Variants in ATG7 observed in about 807,000 individuals in gnomAD.
ATG7 encodes the protein ubiquitin-like modifier-activating enzyme ATG7.
In ATG7, 70 loss-of-function variants were observed where a neutral mutation model predicts 82.4. That is an observed-to-expected ratio of 0.85 (90% confidence interval 0.70 to 1.04). The LOEUF (loss-of-function observed/expected upper bound fraction) is 1.04, where lower values mean the gene tolerates loss of function less well. Among genes scored for constraint, ATG7 ranks in the 50% least tolerant of loss-of-function variants. The pLI is 0.00. For synonymous variants in ATG7, 287 were observed against 313.0 expected (o/e 0.92, Z 0.88); for missense variants, 792 against 864.3 (o/e 0.92, Z 1.05).
At position 11,364,661 on chromosome 3, in the gene ATG7, G is replaced by T; in HGVS notation, c.1802G>T (p.Gly601Val). ...MVSVLQHPEG[G>V]YAIASSSDDR... ...CTCTGATTGTTTCCTGTCCTCAGGGGCTATGCCATTGCCAGCAGCAGTGAC... is the reference window on the plus strand; with the variant it reads ...CTCTGATTGTTTCCTGTCCTCAGGGTCTATGCCATTGCCAGCAGCAGTGAC... The change falls in exon 18 of 21, where the codon GGC becomes GTC. Residue 601 changes from glycine (G) to valine (V), a missense_variant and splice_region_variant. By Grantham distance (109) the Gly-to-Val change is moderately radical. Transcript: ENST00000693202. 3 of 1,614,154 alleles carry T rather than the reference G, an allele frequency of 1.9e-6. No homozygotes were observed. Among genetic ancestry groups the T allele is most frequent in the Non-Finnish European group, 2.5e-6 (3 of 1,179,982 alleles).
rs1370064286 is a variant in ATG7, at chr3:11,554,832, G to A, written c.2101G>A (p.Glu701Lys). Residue 701 changes from glutamate (E) to lysine (K), a missense_variant, in exon 21 of 21, where the codon GAG (glutamate) becomes AAG (lysine). Glu to Lys is a moderately conservative substitution (Grantham distance 56). Coordinates refer to ENST00000693202, the MANE Select transcript of ATG7 (RefSeq NM_001349232.2). ...GCAGATCTGGGACATGAGCGATGAT[G>A]AGACCATCTGAGATGGCCCCGCTGT... ...AAEIWDMSDD[E>K]TI 1.2e-6 allele frequency: 2 copies of A among 1,612,812 alleles called. No homozygotes were observed. The highest frequency in any genetic ancestry group is 1.7e-6 in the Non-Finnish European group (2 of 1,179,638).
At chr3:11,422,708 A>T (rs1183330573) in intron 19 of ATG7, among the ~76,000 whole-genome samples, 1 of 125,966 alleles carries the variant, frequency 7.9e-6, no homozygotes, top group African/African-American at 3.1e-5. Flanking sequence ...AGCTTTTGAC[A>T]TGCCTTCCTC....
At chr3:11,407,160 A>T (rs559769662) in intron 19 of ATG7, among the ~76,000 whole-genome samples, 1 of 152,340 alleles carries the variant, frequency 6.6e-6, no homozygotes, top group Admixed American at 6.5e-5. Flanking sequence ...GCCATTCCAA[A>T]TTGGAGAAAT....
At position 11,370,648 on chromosome 3, in the gene ATG7, C is replaced by T. The variant is rs139374430; in HGVS notation, c.1875+5914C>T. ...TTTGTTGCTGGGCATTGGATCTTAG[C>T]CTCCCATCGAGGCCTGGGTCTGAAG... On this transcript the variant is annotated intron_variant, in intron 18 of 20. Transcript: ENST00000693202. Among the ~76,000 whole-genome samples the T allele has an allele frequency of 4.0e-4, 60 of 151,200 alleles. 4 individuals are homozygous for T. Among genetic ancestry groups the T allele is most frequent in the Middle Eastern group, 3.4e-3 (1 of 290 alleles).
chr3:11,378,027 A>ATTTTTTTTTTCTTTTTTTT (rs2077557126), intron 18 of ATG7, among the ~76,000 whole-genome samples: 1 of 92,742 alleles, frequency 1.1e-5, no homozygotes, highest in Non-Finnish European at 1.8e-5. Context: ...CCAGTTACCA[A>ATTTTTTTTTTCTTTTTTTT]TTTTTTTTTT....
At chr3:11,566,879 G>C in the ATG7 span, among the ~76,000 whole-genome samples, 1 of 152,178 alleles carries the variant, frequency 6.6e-6, no homozygotes, top group Non-Finnish European at 1.5e-5. Flanking sequence ...GGTGCACAGA[G>C]ACTTAACGGG....
intron 19 of ATG7, among the ~76,000 whole-genome samples, chr3:11,418,353 T>C (rs2081598983): frequency 6.6e-6 from 1 of 151,342 alleles, no homozygotes; most frequent in African/African-American, 2.4e-5. Flanking sequence ...ACTCAAGTGA[T>C]CCTCCTATCT....
chr3:11,401,591 T>C (rs1269359451), intron 19 of ATG7, among the ~76,000 whole-genome samples: 1 of 152,190 alleles, frequency 6.6e-6, no homozygotes, highest in Non-Finnish European at 1.5e-5. Flanking sequence ...ACTTAGGGGT[T>C]TTTTAAATGT....
chr3:11,405,916 A>G (rs998584570), intron 19 of ATG7, among the ~76,000 whole-genome samples: 23 of 151,976 alleles, frequency 1.5e-4, no homozygotes, highest in Admixed American at 1.4e-3. Context: ...CTGTAATCCC[A>G]CTGCACCTGG....
intron 9 of ATG7, among the ~76,000 whole-genome samples, chr3:11,320,611 G>A (rs1307521159): frequency 2.0e-5 from 3 of 152,176 alleles, no homozygotes; most frequent in African/African-American, 7.2e-5. Context: ...TTTCTTGAGT[G>A]ATCTTTGATT....
chr3:11,484,707 C>A (rs140005853), intron 20 of ATG7, among the ~76,000 whole-genome samples: 1 of 152,140 alleles, frequency 6.6e-6, no homozygotes, highest in East Asian at 1.9e-4. Context: ...CCTGACCCCA[C>A]GACAGTCCCC....
chr3:11,277,884 T>G (rs1207765098), intron 1 of ATG7, among the ~76,000 whole-genome samples: 2 of 123,872 alleles, frequency 1.6e-5, no homozygotes, highest in Non-Finnish European at 3.2e-5. Context: ...AGAGCGGCCC[T>G]TTATAGACCC....
intron 5 of ATG7, among the ~76,000 whole-genome samples, chr3:11,306,370 ATAT>A (rs1307423787): frequency 6.6e-6 from 1 of 152,184 alleles, no homozygotes; most frequent in Non-Finnish European, 1.5e-5. Flanking sequence ...ATGCTAGAAA[ATAT>A]TATGCTGAGT....
At chr3:11,436,624 T>G (rs1395485922) in intron 20 of ATG7, among the ~76,000 whole-genome samples, 1 of 152,238 alleles carries the variant, frequency 6.6e-6, no homozygotes, top group Non-Finnish European at 1.5e-5. Context: ...CTAACACTAT[T>G]ATTTATTCAT....
chr3:11,449,591 C>A (rs2084911297), intron 20 of ATG7, among the ~76,000 whole-genome samples: 1 of 152,240 alleles, frequency 6.6e-6, no homozygotes, highest in East Asian at 1.9e-4. Flanking sequence ...TTTTCCCGAC[C>A]CTTCCCTTGG....
chr3:11,382,835 A>G (rs1277896823), intron 19 of ATG7, among the ~76,000 whole-genome samples: 2 of 152,188 alleles, frequency 1.3e-5, no homozygotes, highest in East Asian at 1.9e-4. Flanking sequence ...CATTGGAAGA[A>G]TAGTACAAGG....
chr3:11,347,713 AT>A (rs1184346397), intron 13 of ATG7, among the ~76,000 whole-genome samples, 163 bp from the exon 14 acceptor site: 1 of 152,220 alleles, frequency 6.6e-6, no homozygotes, highest in Non-Finnish European at 1.5e-5. Flanking sequence ...GAAAGTCAAC[AT>A]TCTGTTTATC....
chr3:11,502,226 T>G (rs868730218), intron 20 of ATG7, among the ~76,000 whole-genome samples: 1 of 151,966 alleles, frequency 6.6e-6, no homozygotes, highest in African/African-American at 2.4e-5. Flanking sequence ...TTTAATTTAT[T>G]TTTTATTATT....
chr3:11,283,803 A>G (rs2152648873), intron 3 of ATG7, among the ~76,000 whole-genome samples: 1 of 152,228 alleles, frequency 6.6e-6, no homozygotes, highest in South Asian at 2.1e-4. Flanking sequence ...ATGGTGGCGC[A>G]TGCCTGTAAT....
Sources: allele counts gnomAD v4.1 joint callset (sites outside exome capture counted in the v4.1 genomes callset), GRCh38; gene constraint gnomAD v4.1.1; transcripts MANE v1.5; gene names NCBI Gene and HGNC (gene_info 2026-07-23, HGNC 2026-07-21).